Variants in KIAA1549L observed in about 807,000 individuals in gnomAD.
KIAA1549L encodes UPF0606 protein KIAA1549L.
Under a neutral mutation model 160.7 loss-of-function variants are expected in KIAA1549L, and 88 were observed. That is an observed-to-expected ratio of 0.55 (90% CI 0.46 to 0.65). The LOEUF is 0.65. Ranked by LOEUF, KIAA1549L falls within the 30% of genes least tolerant of loss-of-function variation. The probability of loss-of-function intolerance (pLI) is 0.00; values close to 1 mark genes in which losing one functional copy is unlikely to be tolerated. For missense variants in KIAA1549L, 2,258 were observed against 2,437.5 expected (o/e 0.93, Z 1.55); for synonymous variants, 950 against 976.7 (o/e 0.97, Z 0.51).
At chr11:33,636,902 A>G (rs1281348992) in intron 16 of KIAA1549L, among the ~76,000 whole-genome samples, 1 of 152,166 alleles carries the variant, frequency 6.6e-6, no homozygotes. Context: ...ACACACATAC[A>G]TGTACAGCAC....
intron 16 of KIAA1549L, among the ~76,000 whole-genome samples, chr11:33,625,366 G>T (rs1370407819): frequency 6.6e-6 from 1 of 152,170 alleles, no homozygotes; most frequent in African/African-American, 2.4e-5. Context: ...CTAGTTTACA[G>T]TCCCACCAAC....
intron 1 of KIAA1549L, among the ~76,000 whole-genome samples, chr11:33,443,957 A>T (rs144149180): frequency 9.8e-5 from 15 of 152,324 alleles, no homozygotes; most frequent in Admixed American, 9.8e-4. Flanking sequence ...TTTGAAAAGT[A>T]TCTCTGCCAT....
In KIAA1549L at chr11:33,671,212, T is replaced by C. The variant is rs1239771021; in HGVS notation, c.*3058T>C. 6.6e-6 allele frequency: 1 copy of C among 152,184 alleles called. No homozygotes were observed. The highest frequency in any genetic ancestry group is 1.5e-5 in the Non-Finnish European group (1 of 68,040). The allele number at this position is 152,184 out of a possible 1,614,324, so 9.4% of individuals were successfully genotyped here. On this transcript the variant is annotated 3_prime_UTR_variant, in exon 21 of 21. Coordinates refer to ENST00000658780, the MANE Select transcript of KIAA1549L (RefSeq NM_012194.3). ...GAGTACCATCAAGGAAACGGAGACCTCAACTGCTGTTCTAGACTGTGGGGG... is the reference window on the plus strand; with the variant it reads ...GAGTACCATCAAGGAAACGGAGACCCCAACTGCTGTTCTAGACTGTGGGGG...
chr11:33,417,893 T>A (rs1712533330), intron 1 of KIAA1549L, among the ~76,000 whole-genome samples: 1 of 152,108 alleles, frequency 6.6e-6, no homozygotes, highest in African/African-American at 2.4e-5. Flanking sequence ...TTCTTGTGCC[T>A]CAGCCTCCTG....
In KIAA1549L at chr11:33,543,720, A is replaced by G. The variant is rs1278817322; in HGVS notation, c.2157A>G (p.Gln719=). The part of the protein sequence containing the change: ...TESIISGLQQ[Q]TNYDLNGHTI... ...CAATAATATCTGGCTTGCAGCAGCA[A>G]ACAAATTATGATTTAAATGGACACA... Residue 719 remains glutamine, a synonymous_variant, in exon 2 of 21, where the codon CAA becomes CAG. Coordinates refer to ENST00000658780, the MANE Select transcript of KIAA1549L (RefSeq NM_012194.3). 6.2e-7 allele frequency: 1 copy of G among 1,613,906 alleles called. No individual in the cohort carries two copies. Among genetic ancestry groups the G allele is most frequent in the African/African-American group, 1.3e-5 (1 of 74,936 alleles).
intron 14 of KIAA1549L, among the ~76,000 whole-genome samples, chr11:33,608,376 G>T (rs1264834858): frequency 1.3e-5 from 2 of 152,246 alleles, no homozygotes; most frequent in African/African-American, 4.8e-5. Flanking sequence ...AGTGAAGAAA[G>T]ATCATGTATT....
chr11:33,560,168 G>C (rs756545783), intron 7 of KIAA1549L, among the ~76,000 whole-genome samples: 6 of 152,178 alleles, frequency 3.9e-5, no homozygotes, highest in Non-Finnish European at 7.3e-5. Flanking sequence ...AGTTGCCTTC[G>C]TCCTTTGCAT....
chr11:33,478,019 G>C (rs1294271955), intron 1 of KIAA1549L, among the ~76,000 whole-genome samples: 1 of 152,234 alleles, frequency 6.6e-6, no homozygotes, highest in Non-Finnish European at 1.5e-5. Context: ...TAGACAGAAG[G>C]CTTATGGTCC....
At chr11:33,573,833 TTATC>T (rs752320609) in intron 9 of KIAA1549L, among the ~76,000 whole-genome samples, 9 of 152,222 alleles carry the variant, frequency 5.9e-5, no homozygotes, top group Non-Finnish European at 1.0e-4. Context: ...GTATTTATGA[TTATC>T]AATTGTTAAT....
intron 1 of KIAA1549L, among the ~76,000 whole-genome samples, chr11:33,502,363 G>A (rs188680645): frequency 1.3e-5 from 2 of 152,254 alleles, no homozygotes; most frequent in South Asian, 2.1e-4. Context: ...GTATTGCACC[G>A]AAAGCTTTTA....
At chr11:33,477,507 G>GCGCACACACACACA (rs1554981523) in intron 1 of KIAA1549L, among the ~76,000 whole-genome samples, 36 of 131,822 alleles carry the variant, frequency 2.7e-4, no homozygotes, top group African/African-American at 1.2e-3. Context: ...GCAGGTGCAC[G>GCGCACACACACACA]CACACACACA....
chr11:33,546,988 A>G (rs1407657355), intron 3 of KIAA1549L, among the ~76,000 whole-genome samples: 1 of 152,234 alleles, frequency 6.6e-6, no homozygotes, highest in African/African-American at 2.4e-5. Flanking sequence ...TACCATACTC[A>G]CCTATTTTCA....
intron 11 of KIAA1549L, among the ~76,000 whole-genome samples, chr11:33,590,144 T>G (rs1326333381): frequency 1.3e-5 from 2 of 152,232 alleles, no homozygotes; most frequent in African/African-American, 2.4e-5. Context: ...CCTTACAGCA[T>G]CCCCTTAAAA....
chr11:33,386,894 G>A (rs1011099522), intron 1 of KIAA1549L, among the ~76,000 whole-genome samples: 2 of 152,094 alleles, frequency 1.3e-5, no homozygotes, highest in Non-Finnish European at 2.9e-5. Flanking sequence ...ATCACTTGAG[G>A]TCAGGAGTTC....
At chr11:33,624,725 A>T (rs981508286) in intron 16 of KIAA1549L, among the ~76,000 whole-genome samples, 4 of 150,484 alleles carry the variant, frequency 2.7e-5, no homozygotes, top group African/African-American at 9.8e-5. Context: ...ACGATTTAAG[A>T]GATTTTCTTT....
intron 1 of KIAA1549L, among the ~76,000 whole-genome samples, chr11:33,435,810 ATGTGTG>A (rs371276872): frequency 0.43 from 11,785 of 27,142 alleles, 2,931 homozygotes; most frequent in Middle Eastern, 0.66. Flanking sequence ...ATATATATAT[ATGTGTG>A]TGTATATATA....
intron 12 of KIAA1549L, among the ~76,000 whole-genome samples, chr11:33,594,789 T>A (rs1850156122): frequency 6.6e-6 from 1 of 152,154 alleles, no homozygotes; most frequent in South Asian, 2.1e-4. Context: ...GCACCCAACA[T>A]GAGAGAGCAT....
At chr11:33,666,602 G>A (rs1852463748) in intron 20 of KIAA1549L, among the ~76,000 whole-genome samples, 1 of 152,190 alleles carries the variant, frequency 6.6e-6, no homozygotes, top group Non-Finnish European at 1.5e-5. Context: ...CCCTGTATGT[G>A]CCACTGTTTC....
intron 1 of KIAA1549L, among the ~76,000 whole-genome samples, chr11:33,504,126 T>C (rs1419774753): frequency 6.6e-6 from 1 of 152,102 alleles, no homozygotes; most frequent in African/African-American, 2.4e-5. Flanking sequence ...CCAGGCGTGG[T>C]GGCACACACC....
Sources: gnomAD v4.1 joint callset for allele counts (sites outside exome capture counted in the v4.1 genomes callset) on GRCh38, gnomAD v4.1.1 for gene constraint, MANE v1.5 for transcripts, NCBI Gene and HGNC (gene_info 2026-07-23, HGNC 2026-07-21) for gene names.